CWF19L2: variants seen among roughly 807,000 people sequenced by gnomAD.
The protein encoded by CWF19L2 is CWF19-like protein 2.
A neutral mutation model predicts 111.7 loss-of-function variants in CWF19L2; 98 were observed. The ratio of observed to expected loss-of-function variants is 0.88; its 90% confidence interval spans 0.75 to 1.04. The LOEUF is 1.04. Among genes scored for constraint, CWF19L2 ranks in the 50% least tolerant of loss-of-function variants. The pLI is 0.00. For missense variants in CWF19L2, 1,101 were observed against 1,051.4 expected (o/e 1.05, Z -0.65); for synonymous variants, 351 against 342.9 (o/e 1.02, Z -0.26).
intron 14 of CWF19L2, among the ~76,000 whole-genome samples, chr11:107,342,781 A>G (rs577995749): frequency 1.6e-4 from 25 of 152,320 alleles, no homozygotes; most frequent in African/African-American, 6.0e-4. Context: ...TGATACAGGA[A>G]GATTATCCTG....
intron 16 of CWF19L2, among the ~76,000 whole-genome samples, chr11:107,330,593 A>C (rs1859831332): frequency 3.0e-5 from 4 of 132,832 alleles, no homozygotes; most frequent in Admixed American, 2.4e-4. Flanking sequence ...TCCCTTCCTT[A>C]CTCTTTCCTT....
intron 10 of CWF19L2, among the ~76,000 whole-genome samples, chr11:107,405,668 A>G (rs1266147197): frequency 6.6e-6 from 1 of 152,154 alleles, no homozygotes; most frequent in Non-Finnish European, 1.5e-5. Context: ...CCCTAAAAGA[A>G]GGGAAAGAAA....
intron 13 of CWF19L2, among the ~76,000 whole-genome samples, chr11:107,351,533 T>C (rs1860156048): frequency 6.6e-6 from 1 of 152,166 alleles, no homozygotes; most frequent in African/African-American, 2.4e-5. Context: ...TTGCTAGTGG[T>C]CTAAAAACAG....
At chr11:107,409,035 CT>C (rs1449357381) in intron 10 of CWF19L2, among the ~76,000 whole-genome samples, 1 of 151,410 alleles carries the variant, frequency 6.6e-6, no homozygotes, top group Non-Finnish European at 1.5e-5. Context: ...AGTCTTGTAA[CT>C]TTTTTTCTGT....
intron 9 of CWF19L2, 122 bp downstream of exon 9, chr11:107,418,072 T>C (rs1337640214): frequency 7.2e-6 from 5 of 693,488 alleles, no homozygotes; most frequent in Middle Eastern, 2.4e-4. Context: ...CTTTAAGGAA[T>C]CAATAACCAA....
intron 3 of CWF19L2, 70 bp downstream of exon 3, chr11:107,454,380 T>C: frequency 1.7e-6 from 2 of 1,179,772 alleles, no homozygotes; most frequent in Non-Finnish European, 2.2e-6. Context: ...TATTTTAACT[T>C]CCCATAAGTT....
rs754640203 is a variant in CWF19L2 at position 107,353,696 on chromosome 11, T to C, written c.1913A>G (p.Asp638Gly). 1.6e-5 allele frequency: 26 copies of C among 1,613,636 alleles called. 1 individual carries two copies. In the South Asian group the frequency reaches 2.7e-4, roughly 17 times the overall value. ...KTDGDYYTLD[D>G]MFVSKAAERE... ...CTCAGCTGCTTTGGAGACAAACATGTCATCCAGGGTGTAATAGTCTCCATC... is the reference window on the plus strand; with the variant it reads ...CTCAGCTGCTTTGGAGACAAACATGCCATCCAGGGTGTAATAGTCTCCATC... Residue 638 changes from aspartate (D) to glycine (G), a missense_variant, in exon 13 of 18, where the codon GAC (aspartate) becomes GGC (glycine). Asp to Gly is a moderately conservative substitution (Grantham distance 94, BLOSUM62 -1). Transcript: ENST00000282251.
intron 12 of CWF19L2, among the ~76,000 whole-genome samples, chr11:107,375,219 G>A (rs534324053): frequency 0.25 from 32,109 of 126,042 alleles, 7,135 homozygotes; most frequent in Non-Finnish European, 0.31. Context: ...CAACGAGACA[G>A]AAGGTCAACA....
At chr11:107,373,408 A>G (rs970881709) in intron 12 of CWF19L2, among the ~76,000 whole-genome samples, 1 of 135,638 alleles carries the variant, frequency 7.4e-6, no homozygotes, top group Non-Finnish European at 1.6e-5. Context: ...TTCTCCCAGC[A>G]CGCAGCTGAA....
At chr11:107,456,074 A>G (rs1295396899) in intron 1 of CWF19L2, among the ~76,000 whole-genome samples, 1 of 152,192 alleles carries the variant, frequency 6.6e-6, no homozygotes, top group Non-Finnish European at 1.5e-5. Flanking sequence ...CCCTAGCTCA[A>G]TATGACTTGG....
At chr11:107,384,612 C>CT (rs1452813114) in intron 12 of CWF19L2, among the ~76,000 whole-genome samples, 5 of 152,188 alleles carry the variant, frequency 3.3e-5, no homozygotes, top group Non-Finnish European at 7.4e-5. Flanking sequence ...AAAACTACAA[C>CT]TTCCAAGCCA....
intron 14 of CWF19L2, chr11:107,345,595 T>C (rs971575778): frequency 2.7e-6 from 1 of 368,074 alleles, no homozygotes; most frequent in African/African-American, 2.2e-5. Flanking sequence ...TTATAAAATA[T>C]ATAAACCTCA....
At chr11:107,327,424 A>T (rs1253371991) in intron 17 of CWF19L2, among the ~76,000 whole-genome samples, 2 of 152,182 alleles carry the variant, frequency 1.3e-5, no homozygotes, top group Non-Finnish European at 2.9e-5. Context: ...GCAATTATTA[A>T]CTTTACTGCT....
intron 5 of CWF19L2, among the ~76,000 whole-genome samples, chr11:107,440,349 A>G (rs996527029): frequency 6.6e-6 from 1 of 152,228 alleles, no homozygotes; most frequent in Non-Finnish European, 1.5e-5. Context: ...TTTGTTTTTA[A>G]AAGGGCTTTT....
intron 10 of CWF19L2, among the ~76,000 whole-genome samples, chr11:107,395,021 G>A (rs557156646): frequency 6.6e-6 from 1 of 152,296 alleles, no homozygotes; most frequent in Non-Finnish European, 1.5e-5. Flanking sequence ...TAGAAACTGA[G>A]TGTTTTATAG....
chr11:107,369,329 T>C (rs962953349), intron 12 of CWF19L2, among the ~76,000 whole-genome samples: 1 of 137,700 alleles, frequency 7.3e-6, no homozygotes, highest in Non-Finnish European at 1.6e-5. Context: ...TTATGTATAA[T>C]ATAAAAGTAG....
intron 3 of CWF19L2, among the ~76,000 whole-genome samples, chr11:107,451,092 C>G (rs1274961525): frequency 2.6e-5 from 4 of 151,724 alleles, no homozygotes; most frequent in Non-Finnish European, 5.9e-5. Flanking sequence ...AGATCATAGG[C>G]TAGAAAATAA....
At chr11:107,381,528 A>C (rs986698869) in intron 12 of CWF19L2, among the ~76,000 whole-genome samples, 4 of 152,176 alleles carry the variant, frequency 2.6e-5, no homozygotes, top group African/African-American at 7.2e-5. Context: ...ATATCACAGG[A>C]ACATATAAAT....
At chr11:107,380,829 CAAAT>C (rs1489552894) in intron 12 of CWF19L2, among the ~76,000 whole-genome samples, 1 of 152,038 alleles carries the variant, frequency 6.6e-6, no homozygotes, top group Non-Finnish European at 1.5e-5. Context: ...TGTCCATGAA[CAAAT>C]GAATGGAGTT....
Sources: allele counts gnomAD v4.1 joint callset (sites outside exome capture counted in the v4.1 genomes callset), GRCh38; gene constraint gnomAD v4.1.1; transcripts MANE v1.5; gene names NCBI Gene and HGNC (gene_info 2026-07-23, HGNC 2026-07-21).